Variants in ZFP64 observed in about 807,000 individuals in gnomAD.
The protein encoded by ZFP64 is zinc finger protein 64.
A neutral mutation model predicts 51.6 loss-of-function variants in ZFP64; 14 were observed. The ratio of observed to expected loss-of-function variants is 0.27; its 90% CI spans 0.18 to 0.42. The LOEUF (loss-of-function observed/expected upper bound fraction) is 0.42. Ranked by LOEUF, ZFP64 falls within the 10% of genes least tolerant of loss-of-function variation. The pLI, the probability that ZFP64 is intolerant of heterozygous loss-of-function variation, is 1.00. For synonymous variants in ZFP64, 375 were observed against 361.4 expected (o/e 1.04, Z -0.43); for missense variants, 754 against 906.8 (o/e 0.83, Z 2.16).
At chr20:52,148,812 G>A (rs1980650960), downstream of ZFP64, among the ~76,000 whole-genome samples, 1 of 152,116 alleles carries the variant, frequency 6.6e-6, no homozygotes, top group Admixed American at 6.6e-5. Context: ...TCAGGGGAAG[G>A]ATGGACGTTC....
At chr20:52,091,069 G>A (rs939300923) in intron 7 of ZFP64, among the ~76,000 whole-genome samples, 3 of 152,052 alleles carry the variant, frequency 2.0e-5, no homozygotes, top group African/African-American at 7.2e-5. Flanking sequence ...CTCTAGCCTA[G>A]GTGGCAGAAC....
At chr20:52,110,772 G>A in intron 5 of ZFP64, 1 of 1,593,200 alleles carries the variant, frequency 6.3e-7, no homozygotes, top group Non-Finnish European at 8.6e-7. Flanking sequence ...CCTCCCGGGA[G>A]AGGTAGAAGA....
Position 52,160,252 on chromosome 20 carries a change from C to A in ZFP64, c.634G>T (p.Ala212Ser), listed in dbSNP as rs754329446. ...TTGTTGAGGCTGCTGCTGTCGGCAG[C>A]GGCGTAGTCACACGTCTTACACTTG... ...PYKCKTCDYA[A>S]ADSSSLNKHL... is the part of the protein sequence containing the mutation. The change falls in exon 5 of 6, where the codon GCT (alanine) becomes TCT (serine). Residue 212 changes from alanine (A) to serine (S), a missense_variant. Physicochemically the swap from Ala to Ser is moderately conservative, Grantham distance 99. Around this residue, in one of 3 missense-constraint regions of ZFP64, gnomAD observed 231 missense variants for 336.7 expected, o/e 0.69. Transcript: ENST00000216923. The surrounding 1 kb of genome is among the most constrained non-coding windows in gnomAD (Gnocchi z 4.2). The A allele has an allele frequency of 6.2e-7, 1 of 1,614,102 alleles. No individual in the cohort carries two copies. Among genetic ancestry groups the A allele is most frequent in the Non-Finnish European group, 8.5e-7 (1 of 1,180,030 alleles).
At chr20:52,094,470 T>C (rs1403013714) in intron 7 of ZFP64, among the ~76,000 whole-genome samples, 2 of 152,070 alleles carry the variant, frequency 1.3e-5, no homozygotes, top group Non-Finnish European at 2.9e-5. Context: ...AAACTAGCAA[T>C]ATAGGGCTGG....
chr20:52,176,775 C>T (rs1317006980), intron 2 of ZFP64, among the ~76,000 whole-genome samples: 5 of 152,124 alleles, frequency 3.3e-5, no homozygotes, highest in Non-Finnish European at 7.4e-5. Context: ...TCCCAAAGTG[C>T]TGGGATTACA....
intron 2 of ZFP64, among the ~76,000 whole-genome samples, chr20:52,182,261 G>A (rs1033294965): frequency 6.6e-6 from 1 of 152,172 alleles, no homozygotes; most frequent in African/African-American, 2.4e-5. Flanking sequence ...CTGAGCTTGT[G>A]GCTCCCTTCA....
chr20:52,104,953 A>G (rs1373868737), intron 5 of ZFP64: 1 of 716,922 alleles, frequency 1.4e-6, no homozygotes, highest in Non-Finnish European at 2.3e-6. Flanking sequence ...GGACTCCAGG[A>G]GAGTGTAATT....
chr20:52,191,667 G>T lies in ZFP64; in HGVS notation c.-31C>A, dbSNP rs770420229. 6.4e-7 allele frequency: 1 copy of T among 1,571,152 alleles called. No individual in the cohort carries two copies. The highest frequency in any genetic ancestry group is 1.8e-5 in the Admixed American group (1 of 55,024). ...CAGACTGGGAGGTCCCCGGCCGGCC[G>T]GGATGCCAAAGTGGGGGACGCTGAT... On this transcript the variant is annotated 5_prime_UTR_variant, in exon 1 of 6. Coordinates refer to ENST00000216923, the MANE Select transcript of ZFP64 (RefSeq NM_018197.3). The surrounding 1 kb of genome is among the most constrained non-coding windows in gnomAD (Gnocchi z 4.3).
At chr20:52,103,133 G>C (rs1342059716) in intron 5 of ZFP64, among the ~76,000 whole-genome samples, 1 of 152,154 alleles carries the variant, frequency 6.6e-6, no homozygotes, top group East Asian at 1.9e-4. Context: ...CTCTGGAAGT[G>C]GGGGTGGGCC....
intron 5 of ZFP64, among the ~76,000 whole-genome samples, chr20:52,127,911 A>G (rs927451195): frequency 6.6e-6 from 1 of 152,224 alleles, no homozygotes; most frequent in Admixed American, 6.5e-5. Context: ...AGTTTTTGCT[A>G]TACAACGACC....
intron 1 of ZFP64, among the ~76,000 whole-genome samples, chr20:52,190,085 T>C (rs1984264093): frequency 6.6e-6 from 1 of 152,198 alleles, no homozygotes; most frequent in South Asian, 2.1e-4. Context: ...TTTGGTTGAC[T>C]TGCTAAGGAG....
At chr20:52,178,570 A>G (rs975382512) in intron 2 of ZFP64, among the ~76,000 whole-genome samples, 1 of 152,130 alleles carries the variant, frequency 6.6e-6, no homozygotes, top group Non-Finnish European at 1.5e-5. Context: ...AGAACTTTCA[A>G]TGGATCCCCA....
At chr20:52,119,557 T>TATATAC (rs1555802566) in intron 5 of ZFP64, among the ~76,000 whole-genome samples, 31 of 83,128 alleles carry the variant, frequency 3.7e-4, no homozygotes, top group African/African-American at 1.4e-3. Flanking sequence ...TATATATACA[T>TATATAC]ATATATATAT....
chr20:52,157,030 G>A (rs1193826700), intron 5 of ZFP64, among the ~76,000 whole-genome samples: 1 of 152,178 alleles, frequency 6.6e-6, no homozygotes, highest in African/African-American at 2.4e-5. Flanking sequence ...TCTCCAGCCA[G>A]CTTCTCCAGC....
At position 52,153,574 on chromosome 20, in the gene ZFP64, G is replaced by A. The variant is rs1005139183; in HGVS notation, c.764-146C>T. On this transcript the variant is annotated intron_variant, in intron 5 of 5. Transcript: ENST00000216923. This position sits in a 1 kb window ranked among gnomAD's most constrained non-coding sequence, Gnocchi z 5.1. ...GCTTCTAGCAGCCCCTGGCAGTGGGGGAAGAGGGGCAGGGCGTCTTTATCT... is the reference window on the plus strand; with the variant it reads ...GCTTCTAGCAGCCCCTGGCAGTGGGAGAAGAGGGGCAGGGCGTCTTTATCT... 3 of 1,263,158 alleles carry A rather than the reference G, an allele frequency of 2.4e-6. No homozygotes were observed. Among genetic ancestry groups the A allele is most frequent in the South Asian group, 1.8e-5 (1 of 56,590 alleles). The allele number at this position is 1,263,158 out of a possible 1,614,324, so 78.2% of individuals were successfully genotyped here.
intron 2 of ZFP64, among the ~76,000 whole-genome samples, chr20:52,175,364 C>G (rs947535007): frequency 2.0e-5 from 3 of 152,134 alleles, no homozygotes; most frequent in African/African-American, 7.2e-5. Context: ...CTCAAGCGAT[C>G]CTCCCTCCTT....
intron 5 of ZFP64, among the ~76,000 whole-genome samples, chr20:52,130,886 G>A (rs779940728): frequency 7.9e-5 from 12 of 151,940 alleles, no homozygotes; most frequent in African/African-American, 2.7e-4. Context: ...CCATCCTGGT[G>A]AAACACCATC....
In ZFP64 at chr20:52,152,191, T is replaced by C. The variant is rs142815362; in HGVS notation, c.2001A>G (p.Ala667=). The part of the protein sequence containing the change: ...PKQTYSIIQG[A]AHPALLCPAD... The stretch of plus-strand genomic sequence containing the variant: ...CGGGACAGAGCAAAGCTGGATGGGC[T>C]GCCCCTTGAATGATGGAGTAGGTCT... The change falls in exon 6 of 6, where the codon GCA becomes GCG. Residue 667 remains alanine (A), a synonymous_variant. Coordinates refer to ENST00000216923, the MANE Select transcript of ZFP64 (RefSeq NM_018197.3). 17 of 1,614,082 alleles carry C rather than the reference T, an allele frequency of 1.1e-5. No individual in the cohort carries two copies. The highest frequency in any genetic ancestry group is 5.5e-5 in the South Asian group (5 of 91,092).
intron 5 of ZFP64, among the ~76,000 whole-genome samples, chr20:52,100,033 A>G (rs6123125): frequency 0.77 from 116,856 of 152,186 alleles, 45,247 homozygotes; most frequent in African/African-American, 0.84. Flanking sequence ...TCGCTCTGTC[A>G]CCCAGGCTGG....
Sources: allele counts gnomAD v4.1 joint callset (sites outside exome capture counted in the v4.1 genomes callset), GRCh38; gene constraint gnomAD v4.1.1; regional missense constraint gnomAD v4.1.1; non-coding constraint Gnocchi (gnomAD v3.1); transcripts MANE v1.5; gene names NCBI Gene and HGNC (gene_info 2026-07-23, HGNC 2026-07-21).